The following P2RY6 variants were observed in gnomAD, a reference collection of about 807,000 sequenced individuals.
P2RY6 encodes pyrimidinergic receptor P2Y6.
Under a neutral mutation model 16.3 loss-of-function variants are expected in P2RY6, and 19 were observed. The observed-to-expected ratio is 1.16, with a 90% confidence interval of 0.81 to 1.71. The LOEUF (loss-of-function observed/expected upper bound fraction) is 1.71. Ranked by LOEUF, P2RY6 falls within the 40% of genes most tolerant of loss-of-function variation. The probability of loss-of-function intolerance (pLI) is 0.00; values close to 1 mark genes in which losing one functional copy is unlikely to be tolerated. For missense variants in P2RY6, 389 were observed against 455.5 expected (o/e 0.85, Z 1.33); for synonymous variants, 184 against 201.5 (o/e 0.91, Z 0.74).
intron 1 of P2RY6, among the ~76,000 whole-genome samples, chr11:73,291,171 G>C (rs1864229892): frequency 6.6e-6 from 1 of 152,156 alleles, no homozygotes; most frequent in South Asian, 2.1e-4. Flanking sequence ...TCTGAGCAGA[G>C]CGGTGGGATT....
At position 73,297,786 on chromosome 11, in the gene P2RY6, C is replaced by A; in HGVS notation, c.*281C>A. The A allele has an allele frequency of 2.1e-6, 1 of 484,172 alleles. No individual in the cohort carries two copies. 30.0% of individuals were successfully genotyped at this position (484,172 alleles called of 1,614,324 possible). On this transcript the variant is annotated 3_prime_UTR_variant, in exon 3 of 3. Coordinates refer to ENST00000540124, the MANE Select transcript of P2RY6 (RefSeq NM_001277204.2). ...CCACATTAAGGTGCTCACAAAAATA[C>A]AGTGTGACGTGTACTGTCATCAAGG...
intron 2 of P2RY6, among the ~76,000 whole-genome samples, chr11:73,296,016 G>C (rs1004791706): frequency 2.0e-5 from 3 of 151,972 alleles, no homozygotes; most frequent in Non-Finnish European, 2.9e-5. Flanking sequence ...GCATGATTTA[G>C]TGCTTCTAAC....
At position 73,297,753 on chromosome 11, in the gene P2RY6, T is replaced by C. The variant is rs920190922; in HGVS notation, c.*248T>C. 3.6e-6 allele frequency: 2 copies of C among 553,536 alleles called. No homozygotes were observed. Among genetic ancestry groups the C allele is most frequent in the Admixed American group, 3.3e-5 (1 of 30,234 alleles). The allele number at this position is 553,536 out of a possible 1,614,324, so 34.3% of individuals were successfully genotyped here. ...GAGGTCCCAGTCAGCCATGGAGAGC[T>C]GGGGAAACCACATTAAGGTGCTCAC... On this transcript the variant is annotated 3_prime_UTR_variant, in exon 3 of 3. Transcript: ENST00000540124.
chr11:73,287,458 G>T (rs1314254723), intron 1 of P2RY6, among the ~76,000 whole-genome samples: 1 of 152,218 alleles, frequency 6.6e-6, no homozygotes, highest in Non-Finnish European at 1.5e-5. Flanking sequence ...GGAGAAGGGG[G>T]ATCCCCCAAA....
At chr11:73,288,013 C>T (rs563927981) in intron 1 of P2RY6, among the ~76,000 whole-genome samples, 8 of 152,336 alleles carry the variant, frequency 5.3e-5, no homozygotes, top group South Asian at 4.1e-4. Context: ...CTGTGCCCAC[C>T]GGGGCCGCGT....
At chr11:73,273,246 C>T (rs934362772) in intron 1 of P2RY6, among the ~76,000 whole-genome samples, 4 of 152,094 alleles carry the variant, frequency 2.6e-5, no homozygotes, top group African/African-American at 4.8e-5. Context: ...CCAGCCCATG[C>T]GTTCAGCCCC....
chr11:73,267,815 T>A (rs1320618977), upstream of P2RY6, among the ~76,000 whole-genome samples: 2 of 152,180 alleles, frequency 1.3e-5, no homozygotes, highest in Non-Finnish European at 2.9e-5. Flanking sequence ...AGGACTTATG[T>A]GGGATGGCTG....
chr11:73,265,211 G>GC (rs568069510), intron 1 of P2RY6: 6 of 152,624 alleles, frequency 3.9e-5, no homozygotes, highest in Admixed American at 3.9e-4. Context: ...TGGTGGCTCT[G>GC]CCTTTTCCAC....
chr11:73,297,542 T>G lies in P2RY6; in HGVS notation c.*37T>G. On this transcript the variant is annotated 3_prime_UTR_variant, in exon 3 of 3. Transcript: ENST00000540124. The stretch of plus-strand genomic sequence containing the variant: ...CCTGGGCAGCCTTCATATTTGCCAT[T>G]GTGTCCGGGGCACCAGGAGCCCCAC... The G allele has an allele frequency of 6.5e-7, 1 of 1,543,514 alleles. No individual in the cohort carries two copies. The highest frequency in any genetic ancestry group is 8.9e-7 in the Non-Finnish European group (1 of 1,127,370).
At chr11:73,290,294 GA>G (rs759467948) in intron 1 of P2RY6, among the ~76,000 whole-genome samples, 3 of 123,830 alleles carry the variant, frequency 2.4e-5, no homozygotes, top group African/African-American at 9.5e-5. Flanking sequence ...AAGAAAGAAA[GA>G]AAGAAAGAAA....
intron 1 of P2RY6, among the ~76,000 whole-genome samples, chr11:73,285,701 G>A (rs1224772545): frequency 2.0e-5 from 3 of 152,218 alleles, no homozygotes; most frequent in East Asian, 3.9e-4. Context: ...ACAGGCCCCA[G>A]GCAGGCAATG....
chr11:73,290,298 GAAAGAAAAGAAA>G (rs1358417526), intron 1 of P2RY6, among the ~76,000 whole-genome samples: 2 of 126,502 alleles, frequency 1.6e-5, no homozygotes, highest in Admixed American at 8.4e-5. Context: ...AAGAAAGAAA[GAAAGAAAAGAAA>G]GAAAGAAAGA....
intron 1 of P2RY6, among the ~76,000 whole-genome samples, chr11:73,292,247 C>T (rs1240292937): frequency 1.3e-5 from 2 of 152,238 alleles, no homozygotes; most frequent in African/African-American, 2.4e-5. Context: ...TCTGGTGACA[C>T]ATAGTAGGTA....
intron 1 of P2RY6, among the ~76,000 whole-genome samples, chr11:73,284,093 G>T (rs1398123268): frequency 6.6e-6 from 1 of 152,076 alleles, no homozygotes; most frequent in African/African-American, 2.4e-5. Flanking sequence ...TGAGGGTATG[G>T]GGCTGACAAG....
chr11:73,266,475 T>C lies in P2RY6; in HGVS notation c.-281+1826T>C, dbSNP rs372829530. ...AAGTCCAGTACAGGATCAGGAATATTAGTCCCTGGACCAAGACAGGCCCTG... is the reference window on the plus strand; with the variant it reads ...AAGTCCAGTACAGGATCAGGAATATCAGTCCCTGGACCAAGACAGGCCCTG... On this transcript the variant is annotated intron_variant, in intron 1 of 3. Transcript: ENST00000349767. Among the ~76,000 whole-genome samples, 68 of 152,314 alleles carry C rather than the reference T, an allele frequency of 4.5e-4. 2 individuals are homozygous for C. In the South Asian group the frequency reaches 0.013, roughly 29 times the overall value.
intron 1 of P2RY6, among the ~76,000 whole-genome samples, chr11:73,266,574 G>A (rs549075180): frequency 2.0e-5 from 3 of 152,272 alleles, no homozygotes; most frequent in African/African-American, 7.2e-5. Flanking sequence ...CCCGCAGGCT[G>A]AGCCTTGTTT....
chr11:73,272,501 C>T (rs549835631), intron 1 of P2RY6, 35 bp downstream of exon 1: 60 of 985,482 alleles, frequency 6.1e-5, no homozygotes, highest in South Asian at 3.8e-4. Context: ...GAAGGGCTTG[C>T]GCCCCTCAGC....
At position 73,297,152 on chromosome 11, in the gene P2RY6, T is replaced by C. The variant is rs766775266; in HGVS notation, c.634T>C (p.Tyr212His). The change falls in exon 3 of 3, where the codon TAC (tyrosine) becomes CAC (histidine). Residue 212 changes from tyrosine (Y) to histidine (H), a missense_variant. By Grantham distance (83) the Tyr-to-His change is moderately conservative. Coordinates refer to ENST00000540124, the MANE Select transcript of P2RY6 (RefSeq NM_001277204.2). ...LLPFAALLAC[Y>H]CLLACRLCRQ... ...GCCCTTTGCTGCCCTGCTGGCCTGC[T>C]ACTGTCTCCTGGCCTGCCGCCTGTG... is the stretch of plus-strand genomic sequence containing the variant. 2 of 1,605,026 alleles carry C rather than the reference T, an allele frequency of 1.2e-6. No homozygotes were observed. Among genetic ancestry groups the C allele is most frequent in the Non-Finnish European group, 1.7e-6 (2 of 1,179,928 alleles).
chr11:73,282,275 C>T (rs1435662715), intron 1 of P2RY6, among the ~76,000 whole-genome samples: 2 of 152,248 alleles, frequency 1.3e-5, no homozygotes, highest in African/African-American at 4.8e-5. Flanking sequence ...CATCCTCCAA[C>T]TAGCAGCCCA....
Sources: gnomAD v4.1 joint callset for allele counts (sites outside exome capture counted in the v4.1 genomes callset) on GRCh38, gnomAD v4.1.1 for gene constraint, MANE v1.5 for transcripts, NCBI Gene and HGNC (gene_info 2026-07-23, HGNC 2026-07-21) for gene names.